The following LEMD1 variants were observed in gnomAD, a reference collection of about 807,000 sequenced individuals.
LEMD1 encodes the protein LEM domain-containing protein 1.
A neutral mutation model predicts 17.4 loss-of-function variants in LEMD1; 18 were observed. The ratio of observed to expected loss-of-function variants is 1.04; its 90% CI spans 0.72 to 1.54. The LOEUF is 1.54. LEMD1 is among the 40% of genes most tolerant of loss of function. LEMD1 has a pLI of 0.00. For synonymous variants in LEMD1, 88 were observed against 77.8 expected (o/e 1.13, Z -0.69); for missense variants, 195 against 210.4 (o/e 0.93, Z 0.45).
intron 4 of LEMD1, among the ~76,000 whole-genome samples, chr1:205,415,313 T>C (rs1437240959): frequency 9.2e-5 from 14 of 152,068 alleles, no homozygotes; most frequent in Admixed American, 9.2e-4. Flanking sequence ...CAGTAGGCAG[T>C]TGGATATGCA....
At chr1:205,393,279 G>A (rs1326643302) in intron 4 of LEMD1, among the ~76,000 whole-genome samples, 3 of 151,866 alleles carry the variant, frequency 2.0e-5, no homozygotes. Flanking sequence ...GACCTATCTT[G>A]ATATAATGAT....
At position 205,381,404 on chromosome 1, in the gene LEMD1, A is replaced by G; in HGVS notation, c.*254T>C. On this transcript the variant is annotated 3_prime_UTR_variant, in exon 6 of 6. Transcript: ENST00000367153. ...TTCCTTGTTTGACGCCTGCTCAAAT[A>G]TGGAAGCACCTTTAATGAGAGTTGA... 2.0e-6 allele frequency: 1 copy of G among 506,224 alleles called. No homozygotes were observed. The allele number at this position is 506,224 out of a possible 1,614,324, so 31.4% of individuals were successfully genotyped here.
At chr1:205,435,091 A>T (rs6680719) in intron 1 of LEMD1, 144,022 of 152,266 alleles carry the variant, frequency 0.95, 68,647 homozygotes, top group East Asian at 1. Context: ...TCAGCCGAGG[A>T]AGAACCTCAG....
chr1:205,434,196 T>TC (rs78245133), intron 1 of LEMD1, among the ~76,000 whole-genome samples: 120,522 of 151,416 alleles, frequency 0.8, 50,055 homozygotes, highest in East Asian at 0.93. Context: ...TTCTTTTTTT[T>TC]TCTCTCTCTT....
At chr1:205,426,249 G>A (rs1303838769), upstream of LEMD1, among the ~76,000 whole-genome samples, 4 of 152,210 alleles carry the variant, frequency 2.6e-5, no homozygotes, top group Non-Finnish European at 5.9e-5. Flanking sequence ...GGTATCCTAT[G>A]AGTCCTGCAT....
intron 5 of LEMD1, among the ~76,000 whole-genome samples, 169 bp downstream of exon 5, chr1:205,384,119 A>G (rs1455041954): frequency 2.0e-5 from 3 of 152,168 alleles, no homozygotes; most frequent in Non-Finnish European, 4.4e-5. Context: ...AATATGAACA[A>G]TGAACTAGTA....
At chr1:205,442,295 C>T (rs546304378) in intron 1 of LEMD1, among the ~76,000 whole-genome samples, 26 of 152,234 alleles carry the variant, frequency 1.7e-4, no homozygotes, top group African/African-American at 5.1e-4. Flanking sequence ...AAGCATGAGG[C>T]GCCTCCCTTC....
At chr1:205,417,033 GAGA>G (rs1246235915) in intron 3 of LEMD1, among the ~76,000 whole-genome samples, 5 of 152,166 alleles carry the variant, frequency 3.3e-5, no homozygotes, top group African/African-American at 1.2e-4. Context: ...TCCATGAAAG[GAGA>G]AGGCTAAGTC....
chr1:205,445,185 C>CCTCCCT (rs967373487), intron 1 of LEMD1, among the ~76,000 whole-genome samples: 7 of 152,100 alleles, frequency 4.6e-5, no homozygotes, highest in Non-Finnish European at 5.9e-5. Context: ...CTCCCCACCT[C>CCTCCCT]CTCCCTCTCC....
intron 1 of LEMD1, chr1:205,436,233 G>C (rs947823571): frequency 6.6e-6 from 1 of 152,134 alleles, no homozygotes; most frequent in Non-Finnish European, 1.5e-5. Flanking sequence ...TCCAGACCTG[G>C]GGGGTGGTTT....
chr1:205,390,357 A>C (rs1478530671), intron 4 of LEMD1, among the ~76,000 whole-genome samples: 8 of 147,742 alleles, frequency 5.4e-5, no homozygotes, highest in Non-Finnish European at 9.0e-5. Flanking sequence ...TCTCTCTCTA[A>C]AAAAAAAAAA....
chr1:205,390,034 T>C (rs888990570), intron 4 of LEMD1, among the ~76,000 whole-genome samples: 28 of 152,060 alleles, frequency 1.8e-4, no homozygotes, highest in African/African-American at 5.8e-4. Context: ...AAAAACCTTA[T>C]GATCATCTCC....
At position 205,448,885 on chromosome 1, in the gene LEMD1, C is replaced by T. The variant is rs1023291484; in HGVS notation, c.-39+983G>A. On this transcript the variant is annotated intron_variant, in intron 1 of 3. Coordinates refer to the LEMD1 transcript ENST00000367154. The surrounding 1 kb of genome is among the most constrained non-coding windows in gnomAD (Gnocchi z 4.7). Reference sequence around the variant, plus strand: ...GGAGGGTCTGGGTAAAGGAGGGCAGCGATGAGGACCTACCCTTTGTTTAGA... The same window carrying T: ...GGAGGGTCTGGGTAAAGGAGGGCAGTGATGAGGACCTACCCTTTGTTTAGA... Among the ~76,000 whole-genome samples, 1 of 152,104 alleles carries T rather than the reference C, an allele frequency of 6.6e-6. No homozygotes were observed. Among genetic ancestry groups the T allele is most frequent in the African/African-American group, 2.4e-5 (1 of 41,410 alleles).
intron 4 of LEMD1, among the ~76,000 whole-genome samples, chr1:205,395,430 A>G (rs1297098168): frequency 1.3e-5 from 2 of 152,018 alleles, no homozygotes; most frequent in South Asian, 2.1e-4. Context: ...CCCTGTCTCT[A>G]CTAAAAATAC....
At chr1:205,440,389 A>T (rs1396497190) in intron 1 of LEMD1, among the ~76,000 whole-genome samples, 1 of 152,140 alleles carries the variant, frequency 6.6e-6, no homozygotes, top group Non-Finnish European at 1.5e-5. Context: ...GCCCAGGAGG[A>T]TGCTGGCAGG....
chr1:205,443,942 A>C (rs1192839142), intron 1 of LEMD1, among the ~76,000 whole-genome samples: 2 of 152,106 alleles, frequency 1.3e-5, no homozygotes, highest in African/African-American at 4.8e-5. Flanking sequence ...GCTTTGCTCG[A>C]GCAGGAGTCC....
chr1:205,394,296 T>C (rs751747790), intron 4 of LEMD1, among the ~76,000 whole-genome samples: 1 of 152,140 alleles, frequency 6.6e-6, no homozygotes, highest in Non-Finnish European at 1.5e-5. Flanking sequence ...GGAACTAAAA[T>C]AGAGGTGGTG....
In LEMD1 at chr1:205,428,209, C is replaced by T. The variant is rs1255732963; in HGVS notation, c.-38-7635G>A. On this transcript the variant is annotated intron_variant, in intron 1 of 3. Coordinates refer to the LEMD1 transcript ENST00000367154. ...CAAGTAAAGTCAAAGCATAATGAAA[C>T]CCACATATACCCCTCACCCTGCTTC... Among the ~76,000 whole-genome samples the T allele has an allele frequency of 2.6e-5, 4 of 152,240 alleles. No homozygotes were observed. In the East Asian group the frequency reaches 5.8e-4, roughly 22 times the overall value.
chr1:205,425,498 G>A (rs763944494), upstream of LEMD1, among the ~76,000 whole-genome samples: 10 of 152,096 alleles, frequency 6.6e-5, no homozygotes, highest in Non-Finnish European at 1.0e-4. Context: ...GGTCTAGCTC[G>A]TTGAGAGGTG....
Sources: allele counts gnomAD v4.1 joint callset (sites outside exome capture counted in the v4.1 genomes callset), GRCh38; gene constraint gnomAD v4.1.1; non-coding constraint Gnocchi (gnomAD v3.1); transcripts MANE v1.5; gene names NCBI Gene and HGNC (gene_info 2026-07-23, HGNC 2026-07-21).